EPHA7: variants seen among roughly 807,000 people sequenced by gnomAD.
EPHA7 encodes EPH receptor A7, also known as ephrin type-A receptor 7.
Under a neutral mutation model 112.6 loss-of-function variants are expected in EPHA7, and 25 were observed. The observed-to-expected ratio is 0.22, with a 90% CI of 0.16 to 0.31. The LOEUF is 0.31. Among genes scored for constraint, EPHA7 ranks in the 10% least tolerant of loss-of-function variants. The pLI, the probability that EPHA7 is intolerant of heterozygous loss-of-function variation, is 1.00. For missense variants in EPHA7, 962 were observed against 1,212.6 expected (o/e 0.79, Z 3.07); for synonymous variants, 437 against 406.5 (o/e 1.07, Z -0.90).
chr6:93,363,882 C>A (rs1776373329), intron 3 of EPHA7, among the ~76,000 whole-genome samples: 1 of 152,142 alleles, frequency 6.6e-6, no homozygotes, highest in Non-Finnish European at 1.5e-5. Context: ...GAGTTAAATA[C>A]AGACACATAA....
At chr6:93,258,433 T>C (rs1770540663) in intron 10 of EPHA7, 149 bp from the exon 11 acceptor site, 1 of 839,124 alleles carries the variant, frequency 1.2e-6, no homozygotes, top group Non-Finnish European at 1.8e-6. Context: ...GGTAAAGCCC[T>C]GTGAGTTACA....
intron 5 of EPHA7, among the ~76,000 whole-genome samples, chr6:93,275,366 T>C (rs1484530867): frequency 6.6e-6 from 1 of 151,948 alleles, no homozygotes; most frequent in African/African-American, 2.4e-5. Context: ...TTTTTGAACA[T>C]AAATTTTTAG....
At chr6:93,405,643 C>A (rs1197664377) in intron 3 of EPHA7, among the ~76,000 whole-genome samples, 1 of 151,120 alleles carries the variant, frequency 6.6e-6, no homozygotes, top group African/African-American at 2.4e-5. Context: ...CTATTAGCCC[C>A]ATTTTATACT....
intron 3 of EPHA7, among the ~76,000 whole-genome samples, chr6:93,362,314 C>T (rs999847756): frequency 7.2e-5 from 11 of 151,938 alleles, no homozygotes; most frequent in African/African-American, 2.2e-4. Context: ...TATATTACAA[C>T]ACATTAAGTC....
intron 5 of EPHA7, among the ~76,000 whole-genome samples, chr6:93,337,817 G>A (rs1381489339): frequency 6.6e-6 from 1 of 152,066 alleles, no homozygotes; most frequent in Non-Finnish European, 1.5e-5. Flanking sequence ...CTCAGGAACA[G>A]CTTGCTCTTT....
At chr6:93,271,515 A>G (rs192657754) in intron 6 of EPHA7, among the ~76,000 whole-genome samples, 29 of 151,984 alleles carry the variant, frequency 1.9e-4, no homozygotes, top group Admixed American at 1.2e-3. Context: ...CCACGTTTCA[A>G]ACCTTGCACT....
At chr6:93,262,722 C>T (rs902651639) in intron 9 of EPHA7, among the ~76,000 whole-genome samples, 5 of 151,210 alleles carry the variant, frequency 3.3e-5, no homozygotes, top group African/African-American at 7.3e-5. Flanking sequence ...GTTTTGAAAA[C>T]TAAAGGTAAC....
At chr6:93,394,898 T>G (rs1778090849) in intron 3 of EPHA7, among the ~76,000 whole-genome samples, 2 of 151,884 alleles carry the variant, frequency 1.3e-5, no homozygotes, top group Non-Finnish European at 2.9e-5. Flanking sequence ...TTAAAATTAT[T>G]TAATTTTTAT....
At chr6:93,288,143 A>G (rs1266289191) in intron 5 of EPHA7, among the ~76,000 whole-genome samples, 1 of 152,214 alleles carries the variant, frequency 6.6e-6, no homozygotes, top group Non-Finnish European at 1.5e-5. Context: ...GTTCACAGCA[A>G]TATTATTCAT....
rs763098772 is a variant in EPHA7, at chr6:93,411,150, C to T, written c.183G>A (p.Leu61=). Residue 61 remains leucine, a synonymous_variant, in exon 3 of 17, where the codon TTG becomes TTA. Coordinates refer to ENST00000369303, the MANE Select transcript of EPHA7 (RefSeq NM_004440.4). ...TTCGTATCGGGGTATAGTTCTCATC[C>T]AAACCACTAATTTCTTCCCACTGTA... is the stretch of plus-strand genomic sequence containing the variant. ...PPNGWEEISG[L]DENYTPIRTY... 6.2e-7 allele frequency: 1 copy of T among 1,609,646 alleles called. No homozygotes were observed. Among genetic ancestry groups the T allele is most frequent in the Admixed American group, 1.7e-5 (1 of 59,196 alleles).
intron 3 of EPHA7, among the ~76,000 whole-genome samples, chr6:93,394,606 G>C (rs763575681): frequency 7.9e-5 from 12 of 151,812 alleles, no homozygotes; most frequent in Admixed American, 3.3e-4. Context: ...CTGATGAGAT[G>C]CTGTCTTTTT....
At chr6:93,330,521 G>A (rs1246681249) in intron 5 of EPHA7, among the ~76,000 whole-genome samples, 2 of 151,128 alleles carry the variant, frequency 1.3e-5, no homozygotes, top group African/African-American at 2.4e-5. Flanking sequence ...ATATAAGTGA[G>A]AACATGTAGT....
intron 5 of EPHA7, among the ~76,000 whole-genome samples, chr6:93,307,452 T>C (rs944836397): frequency 6.6e-6 from 1 of 152,086 alleles, no homozygotes; most frequent in East Asian, 1.9e-4. Context: ...CTTTAAAGAA[T>C]AGGTATTGTG....
At chr6:93,267,852 A>G (rs1238256065) in intron 7 of EPHA7, among the ~76,000 whole-genome samples, 1 of 151,778 alleles carries the variant, frequency 6.6e-6, no homozygotes, top group East Asian at 1.9e-4. Context: ...TTTGAAATCT[A>G]AAAGTGTTTT....
In EPHA7 at chr6:93,243,325, C is replaced by A. The variant is rs781104624; in HGVS notation, c.*101G>T. ...ATCTTCTCTTCACTGTTGGAAGGAC[C>A]CAGGACATCACTTGTCTTCTAGCAG... On this transcript the variant is annotated 3_prime_UTR_variant, in exon 17 of 17. Transcript: ENST00000369303. 102 of 827,380 alleles carry A rather than the reference C, an allele frequency of 1.2e-4. No homozygotes were observed. Among genetic ancestry groups the A allele is most frequent in the Non-Finnish European group, 1.8e-4 (90 of 513,502 alleles). The allele number at this position is 827,380 out of a possible 1,614,324, so 51.3% of individuals were successfully genotyped here.
At chr6:93,368,745 A>G (rs944305467) in intron 3 of EPHA7, among the ~76,000 whole-genome samples, 1 of 152,146 alleles carries the variant, frequency 6.6e-6, no homozygotes, top group African/African-American at 2.4e-5. Flanking sequence ...GCTTTTCACT[A>G]TCAGTTTTCT....
intron 3 of EPHA7, among the ~76,000 whole-genome samples, chr6:93,408,181 T>C (rs1265848494): frequency 1.3e-5 from 2 of 152,064 alleles, no homozygotes; most frequent in African/African-American, 2.4e-5. Flanking sequence ...TACTTCGTTA[T>C]TTTTCCCATT....
At chr6:93,256,397 A>G (rs1031590043) in intron 12 of EPHA7, among the ~76,000 whole-genome samples, 1 of 152,030 alleles carries the variant, frequency 6.6e-6, no homozygotes, top group Non-Finnish European at 1.5e-5. Context: ...AGTCTAAATA[A>G]TATAAAAGTA....
chr6:93,288,226 A>G (rs1419639654), intron 5 of EPHA7, among the ~76,000 whole-genome samples: 1 of 152,216 alleles, frequency 6.6e-6, no homozygotes, highest in Non-Finnish European at 1.5e-5. Context: ...ATACAAAGAA[A>G]TAGAAGTGCT....
Sources: gnomAD v4.1 joint callset for allele counts (sites outside exome capture counted in the v4.1 genomes callset) on GRCh38, gnomAD v4.1.1 for gene constraint, MANE v1.5 for transcripts, NCBI Gene and HGNC (gene_info 2026-07-23, HGNC 2026-07-21) for gene names.